The following ADAMTS17 variants were observed in gnomAD, a reference collection of about 807,000 sequenced individuals.
The protein encoded by ADAMTS17 is ADAM metallopeptidase with thrombospondin type 1 motif 17.
A neutral mutation model predicts 141.5 loss-of-function variants in ADAMTS17; 113 were observed. The observed-to-expected ratio is 0.80, with a 90% CI of 0.69 to 0.93. The LOEUF (loss-of-function observed/expected upper bound fraction) is 0.93. Ranked by LOEUF, ADAMTS17 falls within the 40% of genes least tolerant of loss-of-function variation. The probability of loss-of-function intolerance (pLI) is 0.00; values close to 1 mark genes in which losing one functional copy is unlikely to be tolerated. For synonymous variants in ADAMTS17, 768 were observed against 630.6 expected, an observed-to-expected ratio of 1.22 and a Z score of -3.27; for missense variants, 1,659 against 1,517.9, an observed-to-expected ratio of 1.09 and a Z score of -1.54.
intron 8 of ADAMTS17, among the ~76,000 whole-genome samples, chr15:100,168,199 G>C (rs59562882): frequency 6.6e-6 from 1 of 152,196 alleles, no homozygotes; most frequent in Non-Finnish European, 1.5e-5. Flanking sequence ...CTCCTGGTCT[G>C]CCAAGGGTGC....
intron 4 of ADAMTS17, among the ~76,000 whole-genome samples, chr15:100,271,212 G>T (rs2043898193): frequency 6.6e-6 from 1 of 152,150 alleles, no homozygotes; most frequent in Non-Finnish European, 1.5e-5. Flanking sequence ...GAACATTGGT[G>T]TATAAATATC....
intron 15 of ADAMTS17, chr15:100,063,477 G>GC (rs1567111214): frequency 2.8e-6 from 1 of 358,036 alleles, no homozygotes; most frequent in African/African-American, 2.1e-5. Flanking sequence ...TCCTGTTCCC[G>GC]CCCCTAATCC....
intron 16 of ADAMTS17, among the ~76,000 whole-genome samples, chr15:100,053,078 G>A (rs1297630263): frequency 6.6e-6 from 1 of 152,188 alleles, no homozygotes; most frequent in African/African-American, 2.4e-5. Context: ...GAGAGACTCT[G>A]GCAGGCACTG....
intron 1 of ADAMTS17, 99 bp from the exon 2 acceptor site, chr15:100,341,508 C>T (rs2046366630): frequency 1.0e-6 from 1 of 986,752 alleles, no homozygotes; most frequent in Admixed American, 5.9e-5. Context: ...CAGCGCGACC[C>T]GGAGCCGGCG....
At chr15:100,296,365 T>C (rs1004398902) in intron 3 of ADAMTS17, among the ~76,000 whole-genome samples, 1 of 152,194 alleles carries the variant, frequency 6.6e-6, no homozygotes, top group Non-Finnish European at 1.5e-5. Context: ...AGGTGAAGTT[T>C]TCCACAGCTG....
intron 15 of ADAMTS17, among the ~76,000 whole-genome samples, chr15:100,076,422 C>T (rs909512439): frequency 1.4e-4 from 21 of 152,290 alleles, no homozygotes; most frequent in African/African-American, 5.1e-4. Flanking sequence ...CAATTTTCAT[C>T]TTTTCCTTGG....
At chr15:100,000,912 G>A (rs2060908044) in intron 18 of ADAMTS17, among the ~76,000 whole-genome samples, 1 of 152,172 alleles carries the variant, frequency 6.6e-6, no homozygotes, top group African/African-American at 2.4e-5. Flanking sequence ...AAAAACGTAT[G>A]CTTATTTCTC....
Position 100,105,518 on chromosome 15 carries a change from T to C in ADAMTS17, c.2016+3471A>G, listed in dbSNP as rs1280303823. 9.9e-5 allele frequency among the ~76,000 whole-genome samples: 15 copies of C among 152,142 alleles called. 1 individual carries two copies. Among genetic ancestry groups the C allele is most frequent in the Admixed American group, 9.8e-4 (15 of 15,278 alleles). ...ATCCCAATGTCACTCCCATCACATC[T>C]GCAATGGACTGGATGTTTGTGTCTT... On this transcript the variant is annotated intron_variant, in intron 14 of 21. Transcript: ENST00000268070.
chr15:100,317,333 C>T (rs144893735), intron 3 of ADAMTS17, among the ~76,000 whole-genome samples: 1 of 152,258 alleles, frequency 6.6e-6, no homozygotes, highest in Non-Finnish European at 1.5e-5. Flanking sequence ...AAAAGGGGCC[C>T]CATGGGCTTC....
chr15:100,141,609 G>C (rs1298001193), intron 10 of ADAMTS17, among the ~76,000 whole-genome samples: 1 of 152,160 alleles, frequency 6.6e-6, no homozygotes, highest in East Asian at 1.9e-4. Context: ...TGAGTCCTGG[G>C]AGGGCCACTC....
intron 15 of ADAMTS17, among the ~76,000 whole-genome samples, chr15:100,081,626 A>T (rs2034743017): frequency 6.6e-6 from 1 of 152,214 alleles, no homozygotes; most frequent in South Asian, 2.1e-4. Flanking sequence ...TGTGAGAATC[A>T]CTGAGACAAA....
intron 18 of ADAMTS17, among the ~76,000 whole-genome samples, chr15:100,027,576 T>A (rs567566517): frequency 6.6e-6 from 1 of 152,216 alleles, no homozygotes; most frequent in Non-Finnish European, 1.5e-5. Flanking sequence ...TGTCTATACA[T>A]TGTTTGTAGC....
At chr15:100,205,044 CAG>C (rs1403488199) in intron 7 of ADAMTS17, among the ~76,000 whole-genome samples, 2 of 152,118 alleles carry the variant, frequency 1.3e-5, no homozygotes, top group African/African-American at 4.8e-5. Context: ...AGTTATGGGT[CAG>C]AGTCAGGAAA....
intron 18 of ADAMTS17, among the ~76,000 whole-genome samples, chr15:100,044,451 G>C (rs1596292059): frequency 6.6e-6 from 1 of 152,262 alleles, no homozygotes; most frequent in Non-Finnish European, 1.5e-5. Flanking sequence ...TAGACCCATG[G>C]AGTGAATTTT....
chr15:100,076,457 A>G (rs948341758), intron 15 of ADAMTS17, among the ~76,000 whole-genome samples: 1 of 152,298 alleles, frequency 6.6e-6, no homozygotes, highest in South Asian at 2.1e-4. Context: ...GATTTTTAAA[A>G]AGTCATATGT....
At chr15:100,314,160 G>A (rs1461973667) in intron 3 of ADAMTS17, among the ~76,000 whole-genome samples, 1 of 152,196 alleles carries the variant, frequency 6.6e-6, no homozygotes, top group African/African-American at 2.4e-5. Context: ...AAAATGTGAA[G>A]ATCAGGAAAG....
At position 99,990,872 on chromosome 15, in the gene ADAMTS17, C is replaced by G. The variant is rs191433897; in HGVS notation, c.2949+2176G>C. 2.2e-3 allele frequency among the ~76,000 whole-genome samples: 336 copies of G among 152,300 alleles called. 1 individual carries two copies. The highest frequency in any genetic ancestry group is 4.8e-3 in the Admixed American group (73 of 15,300). On this transcript the variant is annotated intron_variant, in intron 20 of 21. Transcript: ENST00000268070. ...AAATTTCAGAAATAATGCCACACATCTACAACCATCTGATCTTTGACAACC... is the reference window on the plus strand; with the variant it reads ...AAATTTCAGAAATAATGCCACACATGTACAACCATCTGATCTTTGACAACC...
At chr15:100,265,860 T>A (rs1364112806) in intron 4 of ADAMTS17, among the ~76,000 whole-genome samples, 1 of 152,196 alleles carries the variant, frequency 6.6e-6, no homozygotes, top group East Asian at 1.9e-4. Flanking sequence ...GAAATGCACA[T>A]TCTGGAGTCC....
At chr15:100,286,107 G>A (rs958813360) in intron 3 of ADAMTS17, among the ~76,000 whole-genome samples, 13 of 152,116 alleles carry the variant, frequency 8.5e-5, no homozygotes, top group South Asian at 2.1e-4. Context: ...CTCCACCGAC[G>A]CGACCAGCCC....
Sources: allele counts gnomAD v4.1 joint callset (sites outside exome capture counted in the v4.1 genomes callset), GRCh38; gene constraint gnomAD v4.1.1; transcripts MANE v1.5; gene names NCBI Gene and HGNC (gene_info 2026-07-23, HGNC 2026-07-21).